Variants in FCHO2 observed in about 807,000 individuals in gnomAD.
FCHO2 encodes F-BAR domain only protein 2.
In FCHO2, 43 loss-of-function variants were observed where a neutral mutation model predicts 114.1. The ratio of observed to expected loss-of-function variants is 0.38; its 90% CI spans 0.30 to 0.49. The LOEUF (loss-of-function observed/expected upper bound fraction) is 0.49, where lower values mean the gene tolerates loss of function less well. Ranked by LOEUF, FCHO2 falls within the 20% of genes least tolerant of loss-of-function variation. The pLI is 0.97. For synonymous variants in FCHO2, 293 were observed against 315.2 expected, an observed-to-expected ratio of 0.93 and a Z score of 0.75; for missense variants, 807 against 950.4, an observed-to-expected ratio of 0.85 and a Z score of 1.98.
chr5:73,070,916 C>T (rs1338348934), intron 19 of FCHO2, among the ~76,000 whole-genome samples: 1 of 152,016 alleles, frequency 6.6e-6, no homozygotes, highest in African/African-American at 2.4e-5. Flanking sequence ...TTGGGACACA[C>T]ACTGAAATTG....
intron 1 of FCHO2, among the ~76,000 whole-genome samples, chr5:72,957,819 C>T (rs1036129489): frequency 6.6e-6 from 1 of 152,164 alleles, no homozygotes; most frequent in Non-Finnish European, 1.5e-5. Flanking sequence ...GGGTTCCTCT[C>T]CACATGCTCA....
intron 2 of FCHO2, among the ~76,000 whole-genome samples, chr5:72,969,357 A>T (rs1202321271): frequency 6.6e-6 from 1 of 152,166 alleles, no homozygotes; most frequent in African/African-American, 2.4e-5. Flanking sequence ...TTCTCCCTTC[A>T]TGGAGTTTAC....
At chr5:72,983,026 G>A (rs2112648712) in intron 2 of FCHO2, among the ~76,000 whole-genome samples, 1 of 151,670 alleles carries the variant, frequency 6.6e-6, no homozygotes, top group Non-Finnish European at 1.5e-5. Context: ...CCATTTTCCT[G>A]CCTCAGCCTC....
chr5:73,031,077 C>G (rs1332804637), intron 8 of FCHO2, among the ~76,000 whole-genome samples: 2 of 152,048 alleles, frequency 1.3e-5, no homozygotes. Flanking sequence ...AGCCTCTATA[C>G]CCTGTGCATA....
chr5:72,989,373 C>T, intron 2 of FCHO2, 54 bp from the exon 3 acceptor site: 1 of 1,278,910 alleles, frequency 7.8e-7, no homozygotes, highest in African/African-American at 1.5e-5. Context: ...GATAACTTTG[C>T]TGTTTTTGGT....
intron 22 of FCHO2, among the ~76,000 whole-genome samples, chr5:73,079,874 C>T (rs562683601): frequency 7.2e-5 from 11 of 152,198 alleles, no homozygotes; most frequent in African/African-American, 2.4e-4. Flanking sequence ...CCCAAGTATG[C>T]TGAGGAACAA....
rs748273841 is a variant in FCHO2 at position 72,956,083 on chromosome 5, G to A, written c.-14G>A. ...GGCGGGCGCGGACGCGGAACCCGGC[G>A]CGGCGGCGGCACGATGGTCATGGCG... On this transcript the variant is annotated 5_prime_UTR_variant, in exon 1 of 26. Coordinates refer to ENST00000430046, the MANE Select transcript of FCHO2 (RefSeq NM_138782.3). 1 of 1,540,218 alleles carries A rather than the reference G, an allele frequency of 6.5e-7. No individual in the cohort carries two copies. Among genetic ancestry groups the A allele is most frequent in the South Asian group, 1.2e-5 (1 of 82,628 alleles).
chr5:72,991,791 T>G (rs1753825347), intron 5 of FCHO2, among the ~76,000 whole-genome samples: 1 of 152,334 alleles, frequency 6.6e-6, no homozygotes, highest in African/African-American at 2.4e-5. Context: ...ATTGTATGAT[T>G]ATGACTATAA....
At chr5:72,969,869 A>G (rs1308222226) in intron 2 of FCHO2, among the ~76,000 whole-genome samples, 1 of 151,826 alleles carries the variant, frequency 6.6e-6, no homozygotes, top group Non-Finnish European at 1.5e-5. Context: ...AAGGGCAGGG[A>G]TTTTTGTCTT....
intron 8 of FCHO2, 57 bp downstream of exon 8, chr5:73,017,365 A>G (rs1396174378): frequency 2.7e-6 from 3 of 1,116,720 alleles, no homozygotes; most frequent in Admixed American, 2.7e-5. Context: ...AGTAACTAAC[A>G]TATTTGCCTT....
chr5:73,081,035 A>C (rs1743074671), intron 22 of FCHO2, among the ~76,000 whole-genome samples: 1 of 152,160 alleles, frequency 6.6e-6, no homozygotes. Flanking sequence ...GCTCGAGCCC[A>C]GGAGGTTGAG....
At chr5:72,975,293 G>A (rs1309820269) in intron 2 of FCHO2, among the ~76,000 whole-genome samples, 3 of 152,074 alleles carry the variant, frequency 2.0e-5, no homozygotes. Context: ...CAATGAGAAA[G>A]GAAAAAACGT....
intron 2 of FCHO2, among the ~76,000 whole-genome samples, chr5:72,980,409 G>T (rs898604404): frequency 2.0e-5 from 3 of 152,158 alleles, no homozygotes; most frequent in African/African-American, 7.2e-5. Flanking sequence ...GTGCTGAGAA[G>T]AATGTATATT....
chr5:73,017,111 A>G (rs576148034), intron 7 of FCHO2, 101 bp from the exon 8 acceptor site: 1 of 691,756 alleles, frequency 1.4e-6, no homozygotes, highest in Non-Finnish European at 2.2e-6. Flanking sequence ...TCAAAAATAC[A>G]TATTTTGATA....
chr5:73,072,463 G>A (rs1209283160), intron 19 of FCHO2, among the ~76,000 whole-genome samples: 1 of 151,954 alleles, frequency 6.6e-6, no homozygotes, highest in East Asian at 1.9e-4. Flanking sequence ...ACTCCTGTTC[G>A]TAGCAGCACT....
At chr5:73,039,630 AG>A (rs776532766) in intron 10 of FCHO2, among the ~76,000 whole-genome samples, 1 of 152,194 alleles carries the variant, frequency 6.6e-6, no homozygotes, top group Non-Finnish European at 1.5e-5. Context: ...TTAAGTGGAT[AG>A]AAAGTCACCT....
intron 6 of FCHO2, among the ~76,000 whole-genome samples, chr5:73,013,892 G>C (rs934937337): frequency 2.6e-5 from 4 of 152,016 alleles, no homozygotes; most frequent in Non-Finnish European, 5.9e-5. Flanking sequence ...CACCATGTTG[G>C]CCAGGCTGGT....
chr5:73,064,892 C>T (rs557982583), intron 18 of FCHO2, among the ~76,000 whole-genome samples: 1 of 152,168 alleles, frequency 6.6e-6, no homozygotes, highest in Non-Finnish European at 1.5e-5. Flanking sequence ...CCTCTTTGAT[C>T]ATTCCTTCAC....
chr5:72,979,729 C>G (rs1034232430), intron 2 of FCHO2, among the ~76,000 whole-genome samples: 4 of 152,158 alleles, frequency 2.6e-5, no homozygotes, highest in African/African-American at 9.7e-5. Context: ...AGTTTATTTG[C>G]ATAGTGGTGT....
Sources: gnomAD v4.1 joint callset for allele counts (sites outside exome capture counted in the v4.1 genomes callset) on GRCh38, gnomAD v4.1.1 for gene constraint, MANE v1.5 for transcripts, NCBI Gene and HGNC (gene_info 2026-07-23, HGNC 2026-07-21) for gene names.